Variants in KIAA1549 observed in about 807,000 individuals in gnomAD.
The protein encoded by KIAA1549 is KIAA1549, also known as UPF0606 protein KIAA1549.
In KIAA1549, 70 loss-of-function variants were observed where a neutral mutation model predicts 156.4. The ratio of observed to expected loss-of-function variants is 0.45; its 90% CI spans 0.37 to 0.55. The LOEUF is 0.55. Ranked by LOEUF, KIAA1549 falls within the 20% of genes least tolerant of loss-of-function variation. The pLI is 0.00. For missense variants in KIAA1549, 2,428 were observed against 2,540.9 expected (o/e 0.96, Z 0.96); for synonymous variants, 1,103 against 1,066.4 (o/e 1.03, Z -0.67).
At chr7:138,854,417 T>C (rs916180727) in intron 16 of KIAA1549, among the ~76,000 whole-genome samples, 1 of 152,192 alleles carries the variant, frequency 6.6e-6, no homozygotes, top group Admixed American at 6.5e-5. Flanking sequence ...AACTATCACG[T>C]GGCCTGACTC....
chr7:138,918,230 TA>T lies in KIAA1549; in HGVS notation c.1395del (p.Ser465ArgfsTer4). The T allele has an allele frequency of 6.2e-7, 1 of 1,614,010 alleles. No homozygotes were observed. Among genetic ancestry groups the T allele is most frequent in the Non-Finnish European group, 8.5e-7 (1 of 1,179,868 alleles). On this transcript the variant is annotated frameshift_variant, in exon 2 of 20. Coordinates refer to ENST00000422774, the MANE Select transcript of KIAA1549 (RefSeq NM_001164665.2). LOFTEE classifies it high-confidence loss of function. The surrounding 1 kb of genome is among the most constrained non-coding windows in gnomAD (Gnocchi z 4.2). The stretch of plus-strand genomic sequence containing the variant: ...AATTCAGAGAAGTCTGCTACGACGC[TA>T]CTCATTAGAGAGATGCTGCTTTCTT... ...VLEESSISLM[S>X]SVVADFSEFE...
Position 138,844,418 on chromosome 7 carries a change from T to C in KIAA1549, c.5351A>G (p.Gln1784Arg), listed in dbSNP as rs374950423. 9 of 1,598,188 alleles carry C rather than the reference T, an allele frequency of 5.6e-6. No individual in the cohort carries two copies. In the Admixed American group the frequency reaches 1.4e-4, roughly 25 times the overall value. Reference protein sequence around the residue: ...QSTELVPPDPQQPQASAEAPF... With the variant: ...QSTELVPPDPRQPQASAEAPF... ...GGCTTCGGCGGAGGCCTGTGGCTGCTGAGGGTCAGGGGGCACCAGCTCTGT... is the reference window on the plus strand; with the variant it reads ...GGCTTCGGCGGAGGCCTGTGGCTGCCGAGGGTCAGGGGGCACCAGCTCTGT... The change falls in exon 18 of 20, where the codon CAG becomes CGG. Residue 1784 changes from glutamine to arginine, a missense_variant. Gln to Arg is a conservative substitution (Grantham distance 43). Around this residue, in one of 5 missense-constraint regions of KIAA1549, gnomAD observed 363 missense variants for 354.0 expected, o/e 1.03. Transcript: ENST00000422774.
chr7:138,931,663 A>C (rs1812875656), intron 1 of KIAA1549, among the ~76,000 whole-genome samples: 2 of 149,210 alleles, frequency 1.3e-5, no homozygotes. Context: ...GAGGCAGGAG[A>C]CTCTCTTGAA....
chr7:138,897,911 A>G (rs1811730192), intron 9 of KIAA1549, among the ~76,000 whole-genome samples: 1 of 149,358 alleles, frequency 6.7e-6, no homozygotes, highest in African/African-American at 2.5e-5. Flanking sequence ...AAAAAAAAAA[A>G]AAAAAAAAAA....
rs1350260936 is a variant in KIAA1549, at chr7:138,883,110, AAAAAAAAT to A, written c.4033-1534_4033-1527del. ...CCCCTAAAAAAAAAAAAAAAAAAAA[AAAAAAAAT>A]TCAGCCAGACATGGTATGGTGGTGC... On this transcript the variant is annotated intron_variant, in intron 10 of 19. Coordinates refer to ENST00000422774, the MANE Select transcript of KIAA1549 (RefSeq NM_001164665.2). Among the ~76,000 whole-genome samples the A allele has an allele frequency of 5.7e-4, 72 of 127,054 alleles. 5 individuals carry two copies. Among genetic ancestry groups the A allele is most frequent in the South Asian group, 5.4e-3 (22 of 4,048 alleles). 83.4% of individuals were successfully genotyped at this position (127,054 alleles called of 152,430 possible).
intron 1 of KIAA1549, among the ~76,000 whole-genome samples, chr7:138,927,329 G>A (rs1812747737): frequency 6.6e-6 from 1 of 152,038 alleles, no homozygotes; most frequent in African/African-American, 2.4e-5. Flanking sequence ...GTGTAGATAT[G>A]TATATATGTG....
At chr7:138,870,136 C>T (rs1236012685) in intron 13 of KIAA1549, among the ~76,000 whole-genome samples, 1 of 152,092 alleles carries the variant, frequency 6.6e-6, no homozygotes, top group Non-Finnish European at 1.5e-5. Flanking sequence ...CAGGTGTGAG[C>T]CACCATGCCC....
In KIAA1549 at chr7:138,835,845, C is replaced by T. The variant is rs139500944; in HGVS notation, c.*2061G>A. The T allele has an allele frequency of 3.2e-3, 701 of 221,774 alleles. 8 individuals are homozygous for T. The highest frequency in any genetic ancestry group is 0.015 in the African/African-American group (655 of 44,804). The allele number at this position is 221,774 out of a possible 1,614,324, so 13.7% of individuals were successfully genotyped here. Reference sequence around the variant, plus strand: ...TGCTCCTTGGAGCCTCTGAGGATCGCCTGATAAGATGCTGCTGGTCCTTTG... The same window carrying T: ...TGCTCCTTGGAGCCTCTGAGGATCGTCTGATAAGATGCTGCTGGTCCTTTG... On this transcript the variant is annotated 3_prime_UTR_variant, in exon 20 of 20. Coordinates refer to ENST00000422774, the MANE Select transcript of KIAA1549 (RefSeq NM_001164665.2).
intron 12 of KIAA1549, 39 bp downstream of exon 12, chr7:138,879,497 AGG>A: frequency 8.0e-7 from 1 of 1,255,058 alleles, no homozygotes; most frequent in African/African-American, 1.5e-5. Context: ...GGACTCTCAT[AGG>A]GACTACTTTT....
chr7:138,861,690 T>TA (rs1195358738), intron 15 of KIAA1549, among the ~76,000 whole-genome samples: 2,137 of 90,164 alleles, frequency 0.024, 46 homozygotes, highest in African/African-American at 0.076. Context: ...CCCCCATCTC[T>TA]AAAAAAAAAA....
chr7:138,960,122 A>G (rs1215037803), intron 1 of KIAA1549, among the ~76,000 whole-genome samples: 2 of 152,052 alleles, frequency 1.3e-5, no homozygotes, highest in East Asian at 1.9e-4. Context: ...CAGAGGAGAT[A>G]GTGTAAATAC....
chr7:138,909,243 T>C, intron 4 of KIAA1549, 122 bp from the exon 5 acceptor site: 1 of 950,046 alleles, frequency 1.1e-6, no homozygotes, highest in South Asian at 1.7e-5. Flanking sequence ...TGGGATTAAG[T>C]ACTGTGATGT....
intron 1 of KIAA1549, among the ~76,000 whole-genome samples, chr7:138,938,980 G>A (rs529398575): frequency 6.7e-4 from 102 of 152,188 alleles, no homozygotes; most frequent in African/African-American, 2.4e-3. Flanking sequence ...CCTGGGAGGC[G>A]GAGGTTGCAG....
intron 2 of KIAA1549, among the ~76,000 whole-genome samples, chr7:138,914,938 CACTTTGTAACAATTTTGTACCT>C (rs907213296): frequency 3.9e-5 from 6 of 152,120 alleles, no homozygotes; most frequent in Non-Finnish European, 7.4e-5. Flanking sequence ...TACAACTGAC[CACTTTGTAACAATTTTGTACCT>C]ACTTTGTAAT....
intron 1 of KIAA1549, among the ~76,000 whole-genome samples, chr7:138,961,172 AT>A (rs1813833767): frequency 6.6e-6 from 1 of 152,160 alleles, no homozygotes; most frequent in Admixed American, 6.5e-5. Context: ...TTAAAACCCC[AT>A]TCTAAGTTGC....
chr7:138,942,024 T>C (rs114847336), intron 1 of KIAA1549, among the ~76,000 whole-genome samples: 3,522 of 152,292 alleles, frequency 0.023, 133 homozygotes, highest in African/African-American at 0.081. Flanking sequence ...ATGTGGCCAA[T>C]AGCCACCCTC....
chr7:138,937,146 C>A (rs981191865), intron 1 of KIAA1549, among the ~76,000 whole-genome samples: 2 of 152,158 alleles, frequency 1.3e-5, no homozygotes, highest in African/African-American at 4.8e-5. Flanking sequence ...ACAACCAGCC[C>A]ATGCCCCAGC....
intron 18 of KIAA1549, 108 bp downstream of exon 18, chr7:138,844,209 G>T: frequency 8.1e-7 from 1 of 1,238,494 alleles, no homozygotes; most frequent in Non-Finnish European, 1.2e-6. Context: ...CCCTGAAACA[G>T]CAGTGGCAGA....
At chr7:138,854,236 C>T (rs1481960079) in intron 16 of KIAA1549, among the ~76,000 whole-genome samples, 5 of 152,054 alleles carry the variant, frequency 3.3e-5, no homozygotes, top group Admixed American at 6.5e-5. Context: ...AAACACAGGC[C>T]GACAGAGTGA....
Sources: allele counts gnomAD v4.1 joint callset (sites outside exome capture counted in the v4.1 genomes callset), GRCh38; gene constraint gnomAD v4.1.1; regional missense constraint gnomAD v4.1.1; non-coding constraint Gnocchi (gnomAD v3.1); transcripts MANE v1.5; gene names NCBI Gene and HGNC (gene_info 2026-07-23, HGNC 2026-07-21).